NEBL: variants seen among roughly 807,000 people sequenced by gnomAD.
NEBL encodes LIM and SH3 protein 2.
Under a neutral mutation model 140.2 loss-of-function variants are expected in NEBL, and 122 were observed. The ratio of observed to expected loss-of-function variants is 0.87; its 90% CI spans 0.75 to 1.01. The LOEUF (loss-of-function observed/expected upper bound fraction) is 1.01, where lower values mean the gene tolerates loss of function less well. Ranked by LOEUF, NEBL falls within the 50% of genes least tolerant of loss-of-function variation. The pLI, the probability that NEBL is intolerant of heterozygous loss-of-function variation, is 0.00. For missense variants in NEBL, 1,365 were observed against 1,231.3 expected, an observed-to-expected ratio of 1.11 and a Z score of -1.62; for synonymous variants, 436 against 398.9, an observed-to-expected ratio of 1.09 and a Z score of -1.11.
intron 7 of NEBL, among the ~76,000 whole-genome samples, chr10:20,861,555 T>G (rs1281909304): frequency 6.6e-6 from 1 of 152,212 alleles, no homozygotes; most frequent in African/African-American, 2.4e-5. Flanking sequence ...CTCCTAAGTT[T>G]GTAGTGCCTA....
At chr10:20,810,340 G>T (rs76098498) in intron 24 of NEBL, among the ~76,000 whole-genome samples, 7,689 of 151,962 alleles carry the variant, frequency 0.051, 289 homozygotes, top group Middle Eastern at 0.12. Context: ...AAACAATTGA[G>T]AAGTTTATGT....
Position 20,850,389 on chromosome 10 carries a change from A to G in NEBL, c.1116+6T>C. ...TAAACAATTAGTAACAAACTAATTG[A>G]CCTACTTCACTTTGCATCTTTTGAG... On this transcript the variant is annotated splice_donor_region_variant and intron_variant, in intron 11 of 27. Coordinates refer to ENST00000377122, the MANE Select transcript of NEBL (RefSeq NM_006393.3). 6.4e-7 allele frequency: 1 copy of G among 1,564,796 alleles called. No homozygotes were observed. Among genetic ancestry groups the G allele is most frequent in the Non-Finnish European group, 8.8e-7 (1 of 1,135,184 alleles).
intron 2 of NEBL, among the ~76,000 whole-genome samples, chr10:21,118,764 C>A (rs7087832): frequency 1.3e-5 from 2 of 152,086 alleles, no homozygotes; most frequent in East Asian, 3.9e-4. Context: ...TTAATAAAGC[C>A]ACTGATTAAG....
intron 2 of NEBL, among the ~76,000 whole-genome samples, chr10:21,092,730 C>T (rs1474638362): frequency 6.6e-6 from 1 of 152,012 alleles, no homozygotes; most frequent in Non-Finnish European, 1.5e-5. Flanking sequence ...AACTCTTTTT[C>T]TATTTTGACT....
chr10:21,113,119 T>C (rs1451867777), intron 2 of NEBL: 1 of 231,750 alleles, frequency 4.3e-6, no homozygotes. Context: ...GCGGAGGAAG[T>C]GGAGGAGGAG....
chr10:20,971,612 AT>A (rs1232484471), intron 3 of NEBL, among the ~76,000 whole-genome samples: 786 of 71,010 alleles, frequency 0.011, 3 homozygotes, highest in African/African-American at 0.023. Flanking sequence ...CAACCCTAGA[AT>A]TTTTTTTTTT....
intron 3 of NEBL, chr10:21,020,076 C>A (rs1464989375): frequency 6.5e-7 from 1 of 1,540,080 alleles, no homozygotes; most frequent in Admixed American, 1.7e-5. Flanking sequence ...TGTGAAAAAT[C>A]TTTAGGGCCA....
chr10:21,120,062 A>G (rs1047525100), intron 2 of NEBL, among the ~76,000 whole-genome samples: 2 of 152,048 alleles, frequency 1.3e-5, no homozygotes, highest in Non-Finnish European at 2.9e-5. Context: ...TTGTTACTCT[A>G]GTAATGATGT....
chr10:20,823,588 G>GA (rs1241375494), intron 18 of NEBL, among the ~76,000 whole-genome samples: 1 of 151,754 alleles, frequency 6.6e-6, no homozygotes, highest in Non-Finnish European at 1.5e-5. Flanking sequence ...GCAGATGCAG[G>GA]AAAAAAACCT....
At chr10:20,921,470 A>T (rs1589015080) in intron 4 of NEBL, among the ~76,000 whole-genome samples, 1 of 151,694 alleles carries the variant, frequency 6.6e-6, no homozygotes, top group South Asian at 2.1e-4. Context: ...TCTTCCTCAC[A>T]CCCTCCCTTC....
chr10:21,283,054 T>A (rs1216601564), intron 1 of NEBL, among the ~76,000 whole-genome samples: 1 of 150,978 alleles, frequency 6.6e-6, no homozygotes, highest in Non-Finnish European at 1.5e-5. Flanking sequence ...GAGAATAGCT[T>A]GAACCCAGGA....
At chr10:21,085,809 G>A (rs1482983756) in intron 2 of NEBL, among the ~76,000 whole-genome samples, 1 of 151,996 alleles carries the variant, frequency 6.6e-6, no homozygotes, top group African/African-American at 2.4e-5. Flanking sequence ...GGACCTCATG[G>A]CAACAGGACA....
intron 2 of NEBL, among the ~76,000 whole-genome samples, chr10:21,025,336 T>G (rs144306003): frequency 1.3e-5 from 2 of 152,268 alleles, no homozygotes; most frequent in East Asian, 3.9e-4. Context: ...TTGGCTGAAG[T>G]GTGTGTATCA....
chr10:20,838,037 G>A (rs749030037), intron 13 of NEBL, among the ~76,000 whole-genome samples: 5 of 152,116 alleles, frequency 3.3e-5, no homozygotes, highest in African/African-American at 9.7e-5. Flanking sequence ...TCATGTTTTC[G>A]AGCCTGCTAC....
At chr10:20,816,417 C>A (rs558421044) in intron 21 of NEBL, among the ~76,000 whole-genome samples, 1 of 152,190 alleles carries the variant, frequency 6.6e-6, no homozygotes, top group South Asian at 2.1e-4. Flanking sequence ...TGACTGTGGG[C>A]ATCCTTTAAA....
chr10:20,802,834 A>T (rs1047952816), intron 26 of NEBL, among the ~76,000 whole-genome samples: 1 of 152,230 alleles, frequency 6.6e-6, no homozygotes, highest in African/African-American at 2.4e-5. Flanking sequence ...CAGAACATAA[A>T]CACATTCTTA....
In NEBL at chr10:20,808,635, T is replaced by C; in HGVS notation, c.2636A>G (p.His879Arg). ...LSEKASHYRR[H>R]WSRSHSSSTF... ...ACTGCTGGAATGGGATCGAGACCAG[T>C]GTCGCCTATAGTGACTCGCCTTTTC... Residue 879 changes from histidine to arginine, a missense_variant, in exon 26 of 28, where the codon CAC becomes CGC. By Grantham distance (29) the His-to-Arg change is conservative. Transcript: ENST00000377122. 2.5e-6 allele frequency: 4 copies of C among 1,613,482 alleles called. No individual in the cohort carries two copies. Among genetic ancestry groups the C allele is most frequent in the South Asian group, 1.1e-5 (1 of 91,060 alleles).
intron 3 of NEBL, among the ~76,000 whole-genome samples, chr10:21,200,549 G>T (rs1841718984): frequency 6.6e-6 from 1 of 152,056 alleles, no homozygotes; most frequent in South Asian, 2.1e-4. Flanking sequence ...CCTTACCTCA[G>T]ATGATCCACC....
chr10:21,064,390 C>T (rs1298470292), intron 2 of NEBL, among the ~76,000 whole-genome samples: 9 of 152,138 alleles, frequency 5.9e-5, no homozygotes, highest in Admixed American at 2.0e-4. Context: ...AGAAAACAAT[C>T]CAGGTTGACA....
Sources: allele counts gnomAD v4.1 joint callset (sites outside exome capture counted in the v4.1 genomes callset), GRCh38; gene constraint gnomAD v4.1.1; transcripts MANE v1.5; gene names NCBI Gene and HGNC (gene_info 2026-07-23, HGNC 2026-07-21).